The following TTC7A variants were observed in gnomAD, a reference collection of about 807,000 sequenced individuals.
The protein encoded by TTC7A is tetratricopeptide repeat protein 7A.
A neutral mutation model predicts 103.7 loss-of-function variants in TTC7A; 110 were observed. The ratio of observed to expected loss-of-function variants is 1.06; its 90% CI spans 0.91 to 1.24. The LOEUF (loss-of-function observed/expected upper bound fraction) is 1.24, where lower values mean the gene tolerates loss of function less well. Ranked by LOEUF, TTC7A falls within the 50% of genes most tolerant of loss-of-function variation. The pLI, the probability that TTC7A is intolerant of heterozygous loss-of-function variation, is 0.00. For missense variants in TTC7A, 1,340 were observed against 1,116.3 expected (o/e 1.20, Z -2.86); for synonymous variants, 521 against 467.9 (o/e 1.11, Z -1.47).
intron 5 of TTC7A, among the ~76,000 whole-genome samples, chr2:46,987,844 T>TGTGTGTGTG (rs1558542522): frequency 8.0e-6 from 1 of 125,624 alleles, no homozygotes; most frequent in African/African-American, 3.3e-5. Context: ...GTGTGTGTGT[T>TGTGTGTGTG]TGTGTGTGTC....
chr2:47,038,625 C>G (rs1455879080), intron 15 of TTC7A, among the ~76,000 whole-genome samples: 3 of 129,118 alleles, frequency 2.3e-5, no homozygotes, highest in Admixed American at 2.3e-4. Flanking sequence ...CACCTGCTGC[C>G]ACTTCCCACC....
At chr2:46,937,761 G>C (rs530118181), upstream of TTC7A, among the ~76,000 whole-genome samples, 1 of 152,332 alleles carries the variant, frequency 6.6e-6, no homozygotes, top group South Asian at 2.1e-4. The surrounding 1 kb of genome is among the most constrained non-coding windows in gnomAD (Gnocchi z 4.0). Context: ...AAAGGCCATG[G>C]ATTGCATAGG....
chr2:47,040,997 G>A (rs1681679794), intron 15 of TTC7A, among the ~76,000 whole-genome samples: 1 of 152,176 alleles, frequency 6.6e-6, no homozygotes, highest in Non-Finnish European at 1.5e-5. Flanking sequence ...CTGGATTTCG[G>A]TATTCAGGCG....
chr2:46,991,618 G>T (rs1025447399), intron 5 of TTC7A, among the ~76,000 whole-genome samples: 5 of 152,192 alleles, frequency 3.3e-5, no homozygotes, highest in African/African-American at 4.8e-5. Context: ...CTTAAAAGAA[G>T]AAGGAAGATA....
At chr2:47,019,743 G>C (rs1006031321) in intron 11 of TTC7A, among the ~76,000 whole-genome samples, 4 of 151,998 alleles carry the variant, frequency 2.6e-5, no homozygotes, top group African/African-American at 9.7e-5. Flanking sequence ...CATTTGCTGA[G>C]CAGAAGGACA....
intron 10 of TTC7A, among the ~76,000 whole-genome samples, chr2:47,010,215 G>A (rs967151428): frequency 1.5e-4 from 23 of 152,174 alleles, no homozygotes; most frequent in African/African-American, 5.3e-4. Flanking sequence ...GATAGTAGAC[G>A]TTGTTGACTC....
upstream of TTC7A, among the ~76,000 whole-genome samples, chr2:46,936,864 T>C (rs1424621181): frequency 6.6e-6 from 1 of 151,754 alleles, no homozygotes; most frequent in Admixed American, 6.6e-5. Flanking sequence ...TCCAAATTTT[T>C]TTTTTTTTTT....
chr2:46,981,560 G>C (rs6544945), intron 5 of TTC7A, among the ~76,000 whole-genome samples: 21,822 of 152,206 alleles, frequency 0.14, 1,900 homozygotes, highest in African/African-American at 0.24. Flanking sequence ...GGCCAAATAA[G>C]TTTGGGAAAC....
At chr2:47,049,791 C>T (rs146886519) in intron 16 of TTC7A, among the ~76,000 whole-genome samples, 158 bp from the exon 17 acceptor site, 3 of 152,114 alleles carry the variant, frequency 2.0e-5, no homozygotes, top group Non-Finnish European at 4.4e-5. Context: ...GTGACTTCAG[C>T]TCTGTCTTTG....
chr2:47,054,575 G>A (rs920187402), intron 18 of TTC7A, among the ~76,000 whole-genome samples: 7 of 152,144 alleles, frequency 4.6e-5, no homozygotes, highest in Middle Eastern at 3.4e-3. Context: ...GCTCATGCCC[G>A]TAATCCGAGC....
chr2:46,935,217 G>T (rs904186446), intron 2 of TTC7A, among the ~76,000 whole-genome samples: 2 of 152,064 alleles, frequency 1.3e-5, no homozygotes, highest in Admixed American at 1.3e-4. Flanking sequence ...GGTCAGGCGT[G>T]TGTGGAGGAA....
chr2:47,006,740 C>T lies in TTC7A; in HGVS notation c.1287+16C>T, dbSNP rs374806619. On this transcript the variant is annotated intron_variant, in intron 10 of 19. Coordinates refer to ENST00000319190, the MANE Select transcript of TTC7A (RefSeq NM_020458.4). Reference sequence around the variant, plus strand: ...TTGTGGGAAGGTAAGGCCCAGGGGGCGCTAGGGGTTGCACACTCACCCGCA... The same window carrying T: ...TTGTGGGAAGGTAAGGCCCAGGGGGTGCTAGGGGTTGCACACTCACCCGCA... The T allele has an allele frequency of 1.0e-5, 16 of 1,599,718 alleles. No homozygotes were observed. Among genetic ancestry groups the T allele is most frequent in the African/African-American group, 2.7e-5 (2 of 74,578 alleles).
chr2:47,010,594 C>G (rs1677939256), intron 10 of TTC7A, among the ~76,000 whole-genome samples: 1 of 150,168 alleles, frequency 6.7e-6, no homozygotes, highest in Non-Finnish European at 1.5e-5. Flanking sequence ...TCTGGAGGTT[C>G]TCTCCGGCTC....
At chr2:47,024,015 G>C (rs1679598400) in intron 13 of TTC7A, among the ~76,000 whole-genome samples, 1 of 150,618 alleles carries the variant, frequency 6.6e-6, no homozygotes, top group South Asian at 2.1e-4. Context: ...TCTTCTTTGG[G>C]GTCTGTCACC....
rs533616323 is a variant in TTC7A at position 46,974,312 on chromosome 2, G to A, written c.518-661G>A. ...CAGAGGAGGGAGCAAGCAAGTGCAG[G>A]GTCTGCATGACTTGCCTTGGTGCCT... is the stretch of plus-strand genomic sequence containing the variant. On this transcript the variant is annotated intron_variant, in intron 3 of 19. Transcript: ENST00000319190. Among the ~76,000 whole-genome samples, 8 of 152,360 alleles carry A rather than the reference G, an allele frequency of 5.3e-5. No individual in the cohort carries two copies. In the South Asian group the frequency reaches 1.7e-3, roughly 32 times the overall value.
At position 46,929,145 on chromosome 2, in the gene TTC7A, T is replaced by C. The variant is rs115878426; in HGVS notation, c.82+11868T>C. On this transcript the variant is annotated intron_variant, in intron 2 of 20. Coordinates refer to the TTC7A transcript ENST00000409245. ...ACCACTGCACCCCAGCCTGGGGCAA[T>C]AGAGTGGGACTCTGTCCCAAAAAAA... Among the ~76,000 whole-genome samples the C allele has an allele frequency of 4.2e-3, 633 of 151,724 alleles. 3 individuals are homozygous for C. The highest frequency in any genetic ancestry group is 0.015 in the African/African-American group (607 of 41,364).
Position 46,941,526 on chromosome 2 carries a change from C to T in TTC7A, c.-16C>T. The T allele has an allele frequency of 2.6e-6, 4 of 1,550,838 alleles. No individual in the cohort carries two copies. The highest frequency in any genetic ancestry group is 3.5e-6 in the Non-Finnish European group (4 of 1,147,396). On this transcript the variant is annotated 5_prime_UTR_variant, in exon 1 of 20. Coordinates refer to ENST00000319190, the MANE Select transcript of TTC7A (RefSeq NM_020458.4). The surrounding 1 kb of genome is among the most constrained non-coding windows in gnomAD (Gnocchi z 4.2). ...CACTTCTTGGCCGCACCTTCCATGACAGCGCCCGCGAGAAGATGGCTGCGA... is the reference window on the plus strand; with the variant it reads ...CACTTCTTGGCCGCACCTTCCATGATAGCGCCCGCGAGAAGATGGCTGCGA...
chr2:47,019,916 G>C (rs1047442697), intron 11 of TTC7A, among the ~76,000 whole-genome samples: 1 of 152,186 alleles, frequency 6.6e-6, no homozygotes, highest in African/African-American at 2.4e-5. Flanking sequence ...AGAAAAGAGC[G>C]TGCTATTTGC....
chr2:46,950,496 A>G lies in TTC7A; in HGVS notation c.318A>G (p.Leu106=), dbSNP rs759993761. ...EPKMSEAKNY[L]SSILNHGRLS... ...AGATGAGCGAAGCCAAAAATTATCT[A>G]AGCAGTATCCTTAACCATGGGAGGC... Residue 106 remains leucine, a synonymous_variant, in exon 2 of 20, where the codon CTA becomes CTG. Coordinates refer to ENST00000319190, the MANE Select transcript of TTC7A (RefSeq NM_020458.4). 3 of 1,614,150 alleles carry G rather than the reference A, an allele frequency of 1.9e-6. No individual in the cohort carries two copies. Among genetic ancestry groups the G allele is most frequent in the Non-Finnish European group, 2.5e-6 (3 of 1,180,030 alleles).
Sources: allele counts gnomAD v4.1 joint callset (sites outside exome capture counted in the v4.1 genomes callset), GRCh38; gene constraint gnomAD v4.1.1; non-coding constraint Gnocchi (gnomAD v3.1); transcripts MANE v1.5; gene names NCBI Gene and HGNC (gene_info 2026-07-23, HGNC 2026-07-21).